Variants in INTS7 observed in about 807,000 individuals in gnomAD.
INTS7 encodes chromosome 1 open reading frame 73.
Under a neutral mutation model 109.2 loss-of-function variants are expected in INTS7, and 46 were observed. The observed-to-expected ratio is 0.42, with a 90% CI of 0.33 to 0.54. INTS7 has a LOEUF of 0.54. Among genes scored for constraint, INTS7 ranks in the 20% least tolerant of loss-of-function variants. The probability of loss-of-function intolerance (pLI) is 0.07; values close to 1 mark genes in which losing one functional copy is unlikely to be tolerated. For synonymous variants in INTS7, 412 were observed against 402.9 expected, an observed-to-expected ratio of 1.02 and a Z score of -0.27; for missense variants, 929 against 1,132.4, an observed-to-expected ratio of 0.82 and a Z score of 2.58.
At chr1:211,973,483 T>A (rs76892421) in intron 13 of INTS7, among the ~76,000 whole-genome samples, 1,640 of 152,324 alleles carry the variant, frequency 0.011, 29 homozygotes, top group African/African-American at 0.037. Flanking sequence ...TCCTGTTTAG[T>A]GTGGCTGAAG....
At position 211,946,538 on chromosome 1, in the gene INTS7, T is replaced by A; in HGVS notation, c.2415+69A>T. 1 of 886,944 alleles carries A rather than the reference T, an allele frequency of 1.1e-6. No homozygotes were observed. Among genetic ancestry groups the A allele is most frequent in the Non-Finnish European group, 1.9e-6 (1 of 538,298 alleles). 54.9% of individuals were successfully genotyped at this position (886,944 alleles called of 1,614,324 possible). ...GGTAACACACTGAAGTGTAGCTATG[T>A]CCTACATAATCTTCAGAAGACACCT... On this transcript the variant is annotated intron_variant, in intron 18 of 19. Coordinates refer to ENST00000366994, the MANE Select transcript of INTS7 (RefSeq NM_015434.4). This position sits in a 1 kb window ranked among gnomAD's most constrained non-coding sequence, Gnocchi z 4.3.
chr1:212,034,483 T>C (rs1667328965), intron 1 of INTS7, among the ~76,000 whole-genome samples: 1 of 152,202 alleles, frequency 6.6e-6, no homozygotes, highest in Non-Finnish European at 1.5e-5. Flanking sequence ...AAGATTTAAT[T>C]GTATACCAGC....
At chr1:211,957,053 T>C (rs1040461004) in intron 16 of INTS7, among the ~76,000 whole-genome samples, 1 of 152,236 alleles carries the variant, frequency 6.6e-6, no homozygotes, top group Non-Finnish European at 1.5e-5. Flanking sequence ...CATACTAGTA[T>C]GAATTCAAGC....
At chr1:212,019,511 AC>A (rs1666600375) in intron 3 of INTS7, among the ~76,000 whole-genome samples, 1 of 152,226 alleles carries the variant, frequency 6.6e-6, no homozygotes, top group Non-Finnish European at 1.5e-5. Flanking sequence ...AGAAATGAAC[AC>A]TATAATTTAG....
intron 1 of INTS7, among the ~76,000 whole-genome samples, chr1:212,034,430 T>C (rs1417200105): frequency 6.6e-6 from 1 of 152,330 alleles, no homozygotes; most frequent in Non-Finnish European, 1.5e-5. Context: ...CCTTCTGAGT[T>C]CTAGTCCAGT....
intron 17 of INTS7, among the ~76,000 whole-genome samples, chr1:211,950,317 G>T (rs945269593): frequency 6.6e-6 from 1 of 152,174 alleles, no homozygotes; most frequent in Non-Finnish European, 1.5e-5. Context: ...TGTCACCCAG[G>T]CTGGAGTGCA....
At chr1:212,026,284 T>C (rs991255947) in intron 1 of INTS7, among the ~76,000 whole-genome samples, 2 of 152,348 alleles carry the variant, frequency 1.3e-5, no homozygotes, top group South Asian at 2.1e-4. Context: ...AATGCACTCA[T>C]GTTAGTTATT....
At chr1:212,004,252 G>A (rs1372555417) in intron 7 of INTS7, among the ~76,000 whole-genome samples, 1 of 152,102 alleles carries the variant, frequency 6.6e-6, no homozygotes, top group Non-Finnish European at 1.5e-5. Context: ...TGAGGTGGGA[G>A]GATGGCTTGA....
chr1:212,008,109 T>C (rs967397275), intron 5 of INTS7, among the ~76,000 whole-genome samples: 6 of 152,226 alleles, frequency 3.9e-5, no homozygotes, highest in Admixed American at 1.3e-4. Context: ...ACTCTGCGTA[T>C]TGCTGGCTTT....
At chr1:211,960,375 T>C (rs966003349) in intron 16 of INTS7, among the ~76,000 whole-genome samples, 21 of 151,984 alleles carry the variant, frequency 1.4e-4, no homozygotes, top group South Asian at 4.1e-4. Context: ...TGCAAGAACT[T>C]TGACAACTCA....
chr1:211,999,982 G>A (rs1665588773), intron 7 of INTS7, among the ~76,000 whole-genome samples: 1 of 152,118 alleles, frequency 6.6e-6, no homozygotes. Context: ...GCTCATGCCT[G>A]TAATCCCAGC....
chr1:211,959,263 A>T lies in INTS7; in HGVS notation c.2184-6562T>A, dbSNP rs1326143091. On this transcript the variant is annotated intron_variant, in intron 16 of 19. Coordinates refer to ENST00000366994, the MANE Select transcript of INTS7 (RefSeq NM_015434.4). The surrounding 1 kb of genome is among the most constrained non-coding windows in gnomAD (Gnocchi z 4.2). ...CTGACTTGCTCCCATAGGAGACTTT[A>T]TCCCTAAGGGAACTGTCAGACCTCA... Among the ~76,000 whole-genome samples the T allele has an allele frequency of 1.3e-5, 2 of 152,050 alleles. No homozygotes were observed. Among genetic ancestry groups the T allele is most frequent in the East Asian group, 3.9e-4 (2 of 5,180 alleles).
chr1:211,950,308 G>A (rs1322557382), intron 17 of INTS7, among the ~76,000 whole-genome samples: 1 of 152,204 alleles, frequency 6.6e-6, no homozygotes, highest in African/African-American at 2.4e-5. Context: ...TTTCACTCTT[G>A]TCACCCAGGC....
At chr1:211,969,177 C>T (rs201791922) in intron 13 of INTS7, among the ~76,000 whole-genome samples, 14 of 151,244 alleles carry the variant, frequency 9.3e-5, no homozygotes, top group Non-Finnish European at 1.8e-4. Context: ...CCCAGCTACT[C>T]GGGAGGCTGA....
intron 16 of INTS7, among the ~76,000 whole-genome samples, chr1:211,953,975 A>G (rs1006938058): frequency 5.9e-5 from 9 of 152,324 alleles, no homozygotes; most frequent in Admixed American, 1.3e-4. Flanking sequence ...GAATTGCCAC[A>G]CTGACTTCCA....
chr1:212,012,779 G>A (rs1355631010), intron 4 of INTS7, among the ~76,000 whole-genome samples: 1 of 151,982 alleles, frequency 6.6e-6, no homozygotes, highest in South Asian at 2.1e-4. Flanking sequence ...CAGTAATTTT[G>A]CAGAGTGAAA....
chr1:211,961,681 G>T (rs533023094), intron 16 of INTS7, among the ~76,000 whole-genome samples: 1 of 151,870 alleles, frequency 6.6e-6, no homozygotes, highest in African/African-American at 2.4e-5. Flanking sequence ...CTCCCACCTC[G>T]GCCTCCCAAA....
chr1:211,965,945 T>C (rs756957348), intron 16 of INTS7, among the ~76,000 whole-genome samples: 5 of 151,794 alleles, frequency 3.3e-5, no homozygotes, highest in Non-Finnish European at 7.4e-5. Flanking sequence ...ACTTAAAAGT[T>C]AAAAAAGAAA....
chr1:211,958,289 T>C (rs536925935), intron 16 of INTS7, among the ~76,000 whole-genome samples: 6 of 152,302 alleles, frequency 3.9e-5, no homozygotes, highest in African/African-American at 1.4e-4. Context: ...TATGGAATTA[T>C]AGGTTAACAT....
Sources: gnomAD v4.1 joint callset for allele counts (sites outside exome capture counted in the v4.1 genomes callset) on GRCh38, gnomAD v4.1.1 for gene constraint, Gnocchi (gnomAD v3.1) non-coding constraint, MANE v1.5 for transcripts, NCBI Gene and HGNC (gene_info 2026-07-23, HGNC 2026-07-21) for gene names.